Variants in NOS2 observed in about 807,000 individuals in gnomAD.
NOS2 encodes the protein nitric oxide synthase, inducible.
Under a neutral mutation model 136.0 loss-of-function variants are expected in NOS2, and 96 were observed. The ratio of observed to expected loss-of-function variants is 0.71; its 90% CI spans 0.60 to 0.84. The LOEUF is 0.84. Ranked by LOEUF, NOS2 falls within the 40% of genes least tolerant of loss-of-function variation. The pLI is 0.00. For missense variants in NOS2, 1,237 were observed against 1,496.9 expected (o/e 0.83, Z 2.87); for synonymous variants, 539 against 587.5 (o/e 0.92, Z 1.20).
chr17:27,798,935 G>A, intron 1 of NOS2, 53 bp from the exon 2 acceptor site: 1 of 669,674 alleles, frequency 1.5e-6, no homozygotes, highest in East Asian at 2.7e-5. Context: ...TTACAGAACA[G>A]GGCTTCTCAG....
chr17:27,769,576 C>T lies in NOS2; in HGVS notation c.1818G>A (p.Lys606=). Residue 606 remains lysine, a synonymous_variant, in exon 16 of 27, where the codon AAG becomes AAA. Coordinates refer to ENST00000313735, the MANE Select transcript of NOS2 (RefSeq NM_000625.4). ...GCTCTTTCAGCATGAAGAGCGATTT[C>T]TTCAGTTTCTAGAAAGAGAGGGAAT... The part of the protein sequence containing the change: ...GDCPGNGEKL[K]KSLFMLKELN... 6.2e-7 allele frequency: 1 copy of T among 1,612,640 alleles called. No homozygotes were observed. The highest frequency in any genetic ancestry group is 8.5e-7 in the Non-Finnish European group (1 of 1,178,614).
intron 2 of NOS2, among the ~76,000 whole-genome samples, chr17:27,795,559 G>A (rs991600834): frequency 3.3e-5 from 5 of 152,226 alleles, no homozygotes; most frequent in African/African-American, 1.2e-4. Flanking sequence ...AATGGAATGT[G>A]ACATGCCCAG....
At position 27,769,117 on chromosome 17, in the gene NOS2, G is replaced by A. The variant is rs773428351; in HGVS notation, c.1894C>T (p.Pro632Ser). The A allele has an allele frequency of 6.2e-7, 1 of 1,612,414 alleles. No individual in the cohort carries two copies. Among genetic ancestry groups the A allele is most frequent in the Non-Finnish European group, 8.5e-7 (1 of 1,179,792 alleles). The part of the protein sequence containing the change: ...AVFGLGSSMY[P>S]RFCAFAHDID... ...TCATGAGCAAAGGCGCAGAACCGAGGGTACATGCTGGAGCCGAGGCCAAAC... is the reference window on the plus strand; with the variant it reads ...TCATGAGCAAAGGCGCAGAACCGAGAGTACATGCTGGAGCCGAGGCCAAAC... The change falls in exon 17 of 27, where the codon CCT becomes TCT. Residue 632 changes from proline to serine, a missense_variant. Around this residue, in one of 3 missense-constraint regions of NOS2, gnomAD observed 782 missense variants for 909.9 expected, o/e 0.86. Transcript: ENST00000313735.
intron 16 of NOS2, 95 bp downstream of exon 16, chr17:27,769,440 A>T: frequency 1.9e-6 from 2 of 1,078,596 alleles, no homozygotes; most frequent in Non-Finnish European, 2.9e-6. Flanking sequence ...CACGGTTCTG[A>T]GAAGACCCCC....
chr17:27,757,986 A>G (rs111976317), intron 26 of NOS2, among the ~76,000 whole-genome samples: 49 of 152,150 alleles, frequency 3.2e-4, no homozygotes, highest in Admixed American at 1.0e-3. Flanking sequence ...CTCAGATGCC[A>G]CCTTCCAGCT....
In NOS2 at chr17:27,778,972, C is replaced by T. The variant is rs1390542046; in HGVS notation, c.1089G>A (p.Glu363=). The part of the protein sequence containing the change: ...ANMLLEVGGL[E]FPGCPFNGWY... ...AGCCATTGAAGGGGCACCCTGGGAA[C>T]TCCAGGCCGCCCACCTCAAGCAGCA... The change falls in exon 10 of 27, where the codon GAG becomes GAA. Residue 363 remains glutamate (E), a synonymous_variant. Coordinates refer to ENST00000313735, the MANE Select transcript of NOS2 (RefSeq NM_000625.4). 2 of 1,612,954 alleles carry T rather than the reference C, an allele frequency of 1.2e-6. No individual in the cohort carries two copies. The highest frequency in any genetic ancestry group is 1.7e-6 in the Non-Finnish European group (2 of 1,179,164).
At chr17:27,758,437 A>C (rs1477460816) in intron 26 of NOS2, among the ~76,000 whole-genome samples, 2 of 152,180 alleles carry the variant, frequency 1.3e-5, no homozygotes, top group Non-Finnish European at 2.9e-5. Flanking sequence ...TATTATCTTC[A>C]TCAATAAAAT....
In NOS2 at chr17:27,781,175, G is replaced by A. The variant is rs199928962; in HGVS notation, c.725C>T (p.Ser242Leu). 37 of 1,605,234 alleles carry A rather than the reference G, an allele frequency of 2.3e-5. No homozygotes were observed. Among genetic ancestry groups the A allele is most frequent in the Admixed American group, 2.2e-4 (13 of 59,940 alleles). Residue 242 changes from serine (S) to leucine (L), a missense_variant and splice_region_variant, in exon 8 of 27, where the codon TCG becomes TTG. Physicochemically the swap from Ser to Leu is moderately radical, Grantham distance 145 (BLOSUM62 -2). Around this residue, in one of 3 missense-constraint regions of NOS2, gnomAD observed 440 missense variants for 545.4 expected, o/e 0.81. Transcript: ENST00000313735. ...RYSTNNGNIR[S>L]AITVFPQRSD... ...CCGCTGGGGGAACACGGTGATGGCCGACCTTCCCAGGACAGGAACAGTACT... is the reference window on the plus strand; with the variant it reads ...CCGCTGGGGGAACACGGTGATGGCCAACCTTCCCAGGACAGGAACAGTACT...
rs1170217115 is a variant in NOS2, at chr17:27,769,249, C to T, written c.1860-98G>A. The stretch of plus-strand genomic sequence containing the variant: ...GCCTGGAGAGCCAGCCCCAGACTCT[C>T]CCCCTCCAGCTGGAGAATGGAGCTG... On this transcript the variant is annotated intron_variant, in intron 16 of 26. Transcript: ENST00000313735. 8.2e-6 allele frequency: 10 copies of T among 1,216,488 alleles called. No homozygotes were observed. In the East Asian group the frequency reaches 2.3e-4, roughly 28 times the overall value. 75.4% of individuals were successfully genotyped at this position (1,216,488 alleles called of 1,614,324 possible).
chr17:27,762,290 C>T (rs1336707475), intron 22 of NOS2, among the ~76,000 whole-genome samples: 1 of 152,186 alleles, frequency 6.6e-6, no homozygotes, highest in Admixed American at 6.5e-5. Flanking sequence ...TATTTCCATA[C>T]CCACCCCAGT....
chr17:27,781,388 G>C (rs28999370), intron 7 of NOS2, among the ~76,000 whole-genome samples: 2,197 of 152,306 alleles, frequency 0.014, 21 homozygotes, highest in Non-Finnish European at 0.022. Context: ...CCATCAGGCA[G>C]GGTTAGCTGA....
intron 9 of NOS2, 42 bp from the exon 10 acceptor site, chr17:27,779,098 TTTTTA>T (rs774397429): frequency 5.2e-6 from 7 of 1,341,132 alleles, no homozygotes; most frequent in Admixed American, 2.8e-5. Context: ...GCCTTCCTTA[TTTTTA>T]TTTTATTATT....
intron 17 of NOS2, 68 bp from the exon 18 acceptor site, chr17:27,767,905 C>T (rs1346974179): frequency 3.8e-6 from 6 of 1,595,158 alleles, no homozygotes; most frequent in East Asian, 2.2e-5. Flanking sequence ...CTGGGGCTAC[C>T]ACTTTTTAGG....
chr17:27,777,760 G>A (rs1416913469), intron 11 of NOS2, among the ~76,000 whole-genome samples: 6 of 152,172 alleles, frequency 3.9e-5, no homozygotes, highest in Non-Finnish European at 7.3e-5. Context: ...AATAAAGAAA[G>A]CTGGCCCGGC....
rs761445740 is a variant in NOS2, at chr17:27,789,657, T to A, written c.142A>T (p.Asn48Tyr). 3.7e-6 allele frequency: 6 copies of A among 1,614,064 alleles called. No individual in the cohort carries two copies. The South Asian group carries it at 6.6e-5, about 18-fold the overall frequency. ...GACTCATTCTGCTGCTTGCTGAGGTTGTGATACTGAAGGTCATCCTGTGTC... is the reference window on the plus strand; with the variant it reads ...GACTCATTCTGCTGCTTGCTGAGGTAGTGATACTGAAGGTCATCCTGTGTC... ...PVTQDDLQYHNLSKQQNESPQ... is the reference protein window; with the variant it reads ...PVTQDDLQYHYLSKQQNESPQ... Residue 48 changes from asparagine to tyrosine, a missense_variant, in exon 3 of 27, where the codon AAC becomes TAC. By Grantham distance (143) the Asn-to-Tyr change is moderately radical (BLOSUM62 -2). Around this residue, in one of 3 missense-constraint regions of NOS2, gnomAD observed 440 missense variants for 545.4 expected, o/e 0.81. Transcript: ENST00000313735.
rs1567639650 is a variant in NOS2, at chr17:27,780,861, C to T, written c.910G>A (p.Val304Met). 6.2e-7 allele frequency: 1 copy of T among 1,614,142 alleles called. No individual in the cohort carries two copies. Among genetic ancestry groups the T allele is most frequent in the Non-Finnish European group, 8.5e-7 (1 of 1,179,998 alleles). Residue 304 changes from valine to methionine, a missense_variant, in exon 9 of 27, where the codon GTG (valine) becomes ATG (methionine). Transcript: ENST00000313735. ...TTGGCCTGCAGGACCAGGGGGACCA[C>T]ATCGAAGCGGCCGTACTTGGGCTTC... ...GWKPKYGRFD[V>M]VPLVLQANGR... is the part of the protein sequence containing the mutation.
intron 2 of NOS2, among the ~76,000 whole-genome samples, chr17:27,790,098 G>A (rs1909145299): frequency 6.6e-6 from 1 of 152,150 alleles, no homozygotes; most frequent in Admixed American, 6.6e-5. Context: ...TTGACTGATT[G>A]ATTTATATTT....
At chr17:27,786,191 G>T (rs955958284) in intron 5 of NOS2, among the ~76,000 whole-genome samples, 37 of 152,086 alleles carry the variant, frequency 2.4e-4, no homozygotes, top group Admixed American at 8.5e-4. Flanking sequence ...GGGAGGCTGA[G>T]GTGGGTGGAT....
intron 5 of NOS2, among the ~76,000 whole-genome samples, chr17:27,785,291 G>C (rs1252917193): frequency 1.3e-5 from 2 of 152,130 alleles, no homozygotes; most frequent in African/African-American, 4.8e-5. Flanking sequence ...AATAACATAA[G>C]TACTGTGGCC....
Sources: gnomAD v4.1 joint callset for allele counts (sites outside exome capture counted in the v4.1 genomes callset) on GRCh38, gnomAD v4.1.1 for gene constraint, gnomAD v4.1.1 regional missense constraint, MANE v1.5 for transcripts, NCBI Gene and HGNC (gene_info 2026-07-23, HGNC 2026-07-21) for gene names.